Variants in ANKRD6 observed in about 807,000 individuals in gnomAD.
ANKRD6 encodes ankyrin repeat domain 6, also known as ankyrin repeat domain-containing protein 6.
A neutral mutation model predicts 82.3 loss-of-function variants in ANKRD6; 56 were observed. That is an observed-to-expected ratio of 0.68 (90% CI 0.55 to 0.85). The LOEUF (loss-of-function observed/expected upper bound fraction) is 0.85. Among genes scored for constraint, ANKRD6 ranks in the 40% least tolerant of loss-of-function variants. The probability of loss-of-function intolerance (pLI) is 0.00; values close to 1 mark genes in which losing one functional copy is unlikely to be tolerated. For synonymous variants in ANKRD6, 347 were observed against 352.1 expected, an observed-to-expected ratio of 0.99 and a Z score of 0.16; for missense variants, 852 against 907.6, an observed-to-expected ratio of 0.94 and a Z score of 0.79.
chr6:89,542,542 A>G, intron 1 of ANKRD6, among the ~76,000 whole-genome samples: 1 of 152,196 alleles, frequency 6.6e-6, no homozygotes, highest in East Asian at 1.9e-4. Flanking sequence ...CATAGATAGT[A>G]TACAAAACCA....
At chr6:89,478,690 G>A (rs570372846) in intron 1 of ANKRD6, among the ~76,000 whole-genome samples, 6 of 149,604 alleles carry the variant, frequency 4.0e-5, no homozygotes, top group Admixed American at 2.0e-4. Context: ...CTGGGAGGCG[G>A]AGATTGGGAT....
intron 2 of ANKRD6, among the ~76,000 whole-genome samples, chr6:89,582,868 T>G (rs1236613179): frequency 6.6e-6 from 1 of 152,192 alleles, no homozygotes; most frequent in Non-Finnish European, 1.5e-5. Context: ...TATGAGGTAA[T>G]CCATGCAAAG....
chr6:89,453,728 C>T (rs759132119), intron 1 of ANKRD6, among the ~76,000 whole-genome samples: 3 of 150,806 alleles, frequency 2.0e-5, no homozygotes, highest in Non-Finnish European at 2.9e-5. Context: ...TACAGGTGCA[C>T]GCCACCCAGC....
chr6:89,537,268 T>A (rs1341813185), intron 1 of ANKRD6, among the ~76,000 whole-genome samples: 1 of 152,162 alleles, frequency 6.6e-6, no homozygotes, highest in Admixed American at 6.5e-5. Flanking sequence ...AAAATGAGCA[T>A]GAGGCTGACC....
chr6:89,469,246 C>G (rs998048577), intron 1 of ANKRD6, among the ~76,000 whole-genome samples: 1 of 152,128 alleles, frequency 6.6e-6, no homozygotes, highest in Non-Finnish European at 1.5e-5. Flanking sequence ...AGACCCCTAC[C>G]GTGATGCCTT....
chr6:89,575,131 C>T (rs1254705162), intron 2 of ANKRD6, among the ~76,000 whole-genome samples: 1 of 152,166 alleles, frequency 6.6e-6, no homozygotes, highest in Non-Finnish European at 1.5e-5. Context: ...AGGTATGAGG[C>T]AGGACCCTCT....
At chr6:89,539,952 T>C (rs1224633147) in intron 1 of ANKRD6, among the ~76,000 whole-genome samples, 1 of 152,176 alleles carries the variant, frequency 6.6e-6, no homozygotes, top group African/African-American at 2.4e-5. Flanking sequence ...TGATCTCCAG[T>C]TCCATTCATG....
rs185799618 is a variant in ANKRD6, at chr6:89,553,020, A to G, written c.-143-13814A>G. ...ATGTCACCTCTCACAGGTGGTAGAC[A>G]TTATCAGCGGAAAATCACACCTAAC... On this transcript the variant is annotated intron_variant, in intron 1 of 15. Coordinates refer to ENST00000339746, the MANE Select transcript of ANKRD6 (RefSeq NM_001242809.2). Among the ~76,000 whole-genome samples, 352 of 152,316 alleles carry G rather than the reference A, an allele frequency of 2.3e-3. 1 individual carries two copies. Among genetic ancestry groups the G allele is most frequent in the African/African-American group, 8.2e-3 (341 of 41,572 alleles).
chr6:89,533,325 A>G (rs905522224), intron 1 of ANKRD6, among the ~76,000 whole-genome samples: 11 of 152,206 alleles, frequency 7.2e-5, no homozygotes, highest in Admixed American at 7.2e-4. Context: ...AAGGTCATGT[A>G]GTCGTATAGA....
chr6:89,599,921 C>G (rs1055032287), intron 3 of ANKRD6, among the ~76,000 whole-genome samples: 4 of 151,982 alleles, frequency 2.6e-5, no homozygotes, highest in Non-Finnish European at 5.9e-5. Context: ...GTTTATCTGA[C>G]CCGGGCTCTC....
chr6:89,505,205 T>C (rs982071156), intron 1 of ANKRD6, among the ~76,000 whole-genome samples: 2 of 152,370 alleles, frequency 1.3e-5, no homozygotes, highest in Non-Finnish European at 2.9e-5. Flanking sequence ...TCCTCCCGTA[T>C]GCACCATCTG....
chr6:89,542,519 G>C (rs376490938), intron 1 of ANKRD6, among the ~76,000 whole-genome samples: 3 of 151,970 alleles, frequency 2.0e-5, no homozygotes, highest in Admixed American at 6.6e-5. Flanking sequence ...CCCGCTTCCC[G>C]AGACACAGGA....
chr6:89,567,932 A>G (rs1011308534), intron 2 of ANKRD6, among the ~76,000 whole-genome samples: 5 of 152,190 alleles, frequency 3.3e-5, no homozygotes, highest in African/African-American at 1.2e-4. Flanking sequence ...GAAGAGGGGC[A>G]AAGTTTAATT....
intron 1 of ANKRD6, among the ~76,000 whole-genome samples, chr6:89,531,936 C>T (rs1783201741): frequency 6.6e-6 from 1 of 152,206 alleles, no homozygotes; most frequent in Non-Finnish European, 1.5e-5. Context: ...GGTTTGAGTT[C>T]TAAGGCCAGC....
At chr6:89,442,037 C>A (rs897021052) in intron 1 of ANKRD6, among the ~76,000 whole-genome samples, 6 of 151,324 alleles carry the variant, frequency 4.0e-5, no homozygotes, top group African/African-American at 1.5e-4. Context: ...CTCACTCTGT[C>A]GCCCAGGCTG....
chr6:89,622,164 G>A, intron 10 of ANKRD6, 138 bp downstream of exon 10: 1 of 725,538 alleles, frequency 1.4e-6, no homozygotes, highest in Non-Finnish European at 2.3e-6. Flanking sequence ...TCTTCAAACT[G>A]TTGCCAGTCT....
intron 1 of ANKRD6, among the ~76,000 whole-genome samples, chr6:89,543,455 A>G (rs1417719499): frequency 2.0e-5 from 3 of 152,170 alleles, no homozygotes; most frequent in Non-Finnish European, 4.4e-5. Context: ...CCTGGACTCC[A>G]TAAGCCCCCA....
At chr6:89,473,852 T>C (rs965871591) in intron 1 of ANKRD6, among the ~76,000 whole-genome samples, 4 of 150,236 alleles carry the variant, frequency 2.7e-5, no homozygotes, top group Non-Finnish European at 5.9e-5. Flanking sequence ...TGGTGGCACA[T>C]GCCTGTAATC....
intron 2 of ANKRD6, among the ~76,000 whole-genome samples, chr6:89,570,061 A>ACATGTG (rs1554242392): frequency 1.4e-5 from 1 of 72,842 alleles, no homozygotes; most frequent in Non-Finnish European, 3.0e-5. Flanking sequence ...GTATGTGTGT[A>ACATGTG]TATGTGTGTG....
Sources: gnomAD v4.1 joint callset for allele counts (sites outside exome capture counted in the v4.1 genomes callset) on GRCh38, gnomAD v4.1.1 for gene constraint, MANE v1.5 for transcripts, NCBI Gene and HGNC (gene_info 2026-07-23, HGNC 2026-07-21) for gene names.